Variants in TENM2 observed in about 807,000 individuals in gnomAD.
TENM2 encodes the protein teneurin-2.
Under a neutral mutation model 245.2 loss-of-function variants are expected in TENM2, and 52 were observed. The observed-to-expected ratio is 0.21, with a 90% CI of 0.17 to 0.27. The LOEUF (loss-of-function observed/expected upper bound fraction) is 0.27. Ranked by LOEUF, TENM2 falls within the 10% of genes least tolerant of loss-of-function variation. The pLI, the probability that TENM2 is intolerant of heterozygous loss-of-function variation, is 1.00. For synonymous variants in TENM2, 1,363 were observed against 1,438.9 expected (o/e 0.95, Z 1.19); for missense variants, 3,046 against 3,666.8 (o/e 0.83, Z 4.37).
chr5:167,420,231 C>G (rs10072836), intron 2 of TENM2, among the ~76,000 whole-genome samples: 5,080 of 152,176 alleles, frequency 0.033, 290 homozygotes, highest in African/African-American at 0.11. Context: ...GGCTATGAGA[C>G]CTTTTAATTT....
At chr5:167,608,350 G>A (rs113023233) in intron 2 of TENM2, among the ~76,000 whole-genome samples, 1,602 of 152,260 alleles carry the variant, frequency 0.011, 39 homozygotes, top group African/African-American at 0.037. Flanking sequence ...ACTTTGAGAT[G>A]GTTATCTGTT....
chr5:168,052,785 A>G (rs182526710), intron 6 of TENM2, among the ~76,000 whole-genome samples: 1 of 152,212 alleles, frequency 6.6e-6, no homozygotes, highest in Admixed American at 6.5e-5. Flanking sequence ...GTAAACATTT[A>G]TTTGTGCCTG....
Position 168,244,735 on chromosome 5 carries a change from C to A in TENM2, c.5817+19C>A. 7.1e-7 allele frequency: 1 copy of A among 1,407,062 alleles called. No homozygotes were observed. Among genetic ancestry groups the A allele is most frequent in the South Asian group, 1.8e-5 (1 of 56,202 alleles). The allele number at this position is 1,407,062 out of a possible 1,614,324, so 87.2% of individuals were successfully genotyped here. ...TGACAAGGTAGGTGAACATGCTGCC[C>A]TGACAGCAAGGGCTTTCTGTTATTT... On this transcript the variant is annotated intron_variant, in intron 26 of 28. Coordinates refer to ENST00000518659, the Ensembl canonical transcript of TENM2. This position sits in a 1 kb window ranked among gnomAD's most constrained non-coding sequence, Gnocchi z 4.9.
chr5:167,310,934 C>T (rs1359888095), intron 1 of TENM2, among the ~76,000 whole-genome samples: 1 of 152,136 alleles, frequency 6.6e-6, no homozygotes, highest in African/African-American at 2.4e-5. Context: ...AGTATGAACC[C>T]AGTTTATTCT....
intron 1 of TENM2, among the ~76,000 whole-genome samples, chr5:167,359,751 G>A (rs897213436): frequency 6.6e-6 from 1 of 152,058 alleles, no homozygotes; most frequent in Non-Finnish European, 1.5e-5. Context: ...TGTATGTGGT[G>A]TAAGGAAGAG....
chr5:167,819,901 G>T (rs1767378065), intron 2 of TENM2, among the ~76,000 whole-genome samples: 1 of 152,158 alleles, frequency 6.6e-6, no homozygotes, highest in African/African-American at 2.4e-5. Flanking sequence ...CATCCAGCTA[G>T]GAAGGTTAGT....
chr5:167,947,952 A>G (rs1254004807), intron 3 of TENM2, among the ~76,000 whole-genome samples: 1 of 152,164 alleles, frequency 6.6e-6, no homozygotes, highest in Non-Finnish European at 1.5e-5. Context: ...GCCTGGTTTA[A>G]TTTGTCTCTG....
At chr5:168,070,820 A>AGAGAGAGAG (rs375473762) in intron 7 of TENM2, among the ~76,000 whole-genome samples, 21 of 86,960 alleles carry the variant, frequency 2.4e-4, no homozygotes, top group African/African-American at 6.3e-4. Context: ...AGAGAGAGAG[A>AGAGAGAGAG]AAAAAAGAAA....
At chr5:167,814,414 A>T (rs1356319273) in intron 2 of TENM2, among the ~76,000 whole-genome samples, 1 of 148,320 alleles carries the variant, frequency 6.7e-6, no homozygotes, top group African/African-American at 2.5e-5. Flanking sequence ...GAGGCACTGC[A>T]TTCTGAAGGG....
intron 2 of TENM2, among the ~76,000 whole-genome samples, chr5:167,827,919 C>T (rs1047076779): frequency 2.6e-5 from 4 of 152,114 alleles, no homozygotes; most frequent in Non-Finnish European, 5.9e-5. Flanking sequence ...TGCCACTTTA[C>T]CAACTTCAGT....
At chr5:168,114,572 T>C (rs1032843669) in intron 9 of TENM2, among the ~76,000 whole-genome samples, 1 of 152,108 alleles carries the variant, frequency 6.6e-6, no homozygotes, top group Non-Finnish European at 1.5e-5. Flanking sequence ...AGAGGGAAGG[T>C]GCTCTCCAAT....
chr5:167,991,710 A>G (rs1783680202), intron 4 of TENM2, among the ~76,000 whole-genome samples: 1 of 152,210 alleles, frequency 6.6e-6, no homozygotes. Context: ...TGATAGGCAA[A>G]GATGATTCCA....
intron 28 of TENM2, among the ~76,000 whole-genome samples, chr5:168,261,720 T>C (rs1031288497): frequency 1.7e-4 from 26 of 152,134 alleles, no homozygotes; most frequent in Admixed American, 1.6e-3. Flanking sequence ...ACTTCCCGAG[T>C]GGTGGCATGA....
At chr5:168,102,698 G>C (rs993873594) in intron 9 of TENM2, among the ~76,000 whole-genome samples, 7 of 152,128 alleles carry the variant, frequency 4.6e-5, no homozygotes, top group Non-Finnish European at 1.0e-4. Context: ...AGGTTTAACT[G>C]TACCAGGTTC....
intron 2 of TENM2, among the ~76,000 whole-genome samples, chr5:167,625,777 G>T (rs1009373426): frequency 2.6e-5 from 4 of 152,176 alleles, no homozygotes; most frequent in African/African-American, 9.7e-5. Flanking sequence ...CAAGACATCT[G>T]CCCCAGCTGA....
chr5:168,227,413 A>T (rs937254603), intron 24 of TENM2, among the ~76,000 whole-genome samples: 19 of 152,264 alleles, frequency 1.2e-4, no homozygotes, highest in Admixed American at 1.1e-3. Context: ...TCTCAAAGAA[A>T]GAATCCTGGG....
the TENM2 span, among the ~76,000 whole-genome samples, chr5:167,064,434 A>G: frequency 6.6e-6 from 1 of 152,250 alleles, no homozygotes; most frequent in Admixed American, 6.5e-5. Context: ...CTCAGAAACG[A>G]GAGTCGTGCC....
At chr5:167,100,404 G>A in the TENM2 span, among the ~76,000 whole-genome samples, 3 of 152,094 alleles carry the variant, frequency 2.0e-5, no homozygotes, top group South Asian at 2.1e-4. Flanking sequence ...CTCACTGGCC[G>A]CTGTCTTCAG....
intron 12 of TENM2, among the ~76,000 whole-genome samples, chr5:168,161,685 C>T (rs904599976): frequency 9.2e-5 from 14 of 152,116 alleles, no homozygotes; most frequent in African/African-American, 3.4e-4. Context: ...CCTCCTTTCT[C>T]CACTTTTCTC....
Sources: allele counts gnomAD v4.1 joint callset (sites outside exome capture counted in the v4.1 genomes callset), GRCh38; gene constraint gnomAD v4.1.1; non-coding constraint Gnocchi (gnomAD v3.1); transcripts MANE v1.5; gene names NCBI Gene and HGNC (gene_info 2026-07-23, HGNC 2026-07-21).